The following CHD5 variants were observed in gnomAD, a reference collection of about 807,000 sequenced individuals.
CHD5 encodes the protein ATP-dependent chromatin remodeler CHD5.
In CHD5, 69 loss-of-function variants were observed where a neutral mutation model predicts 230.3. The ratio of observed to expected loss-of-function variants is 0.30; its 90% CI spans 0.25 to 0.37. The LOEUF is 0.37. Among genes scored for constraint, CHD5 ranks in the 10% least tolerant of loss-of-function variants. CHD5 has a pLI of 1.00. For missense variants in CHD5, 1,827 were observed against 2,622.8 expected, an observed-to-expected ratio of 0.70 and a Z score of 6.63; for synonymous variants, 1,064 against 1,065.9, an observed-to-expected ratio of 1.00 and a Z score of 0.03.
At chr1:6,168,397 G>T (rs995588191) in intron 1 of CHD5, 120 bp from the exon 2 acceptor site, 1 of 1,247,546 alleles carries the variant, frequency 8.0e-7, no homozygotes, top group Non-Finnish European at 1.1e-6. Flanking sequence ...CCAGGTCACA[G>T]CTGCCCTGCC....
At chr1:6,137,670 G>A (rs1397696588) in intron 15 of CHD5, among the ~76,000 whole-genome samples, 1 of 152,200 alleles carries the variant, frequency 6.6e-6, no homozygotes, top group Non-Finnish European at 1.5e-5. Context: ...CCTCAGGCTG[G>A]AGCACTCTCC....
Position 6,126,192 on chromosome 1 carries a change from C to G in CHD5, c.4079-334G>C, listed in dbSNP as rs1666554213. Among the ~76,000 whole-genome samples, 1 of 152,194 alleles carries G rather than the reference C, an allele frequency of 6.6e-6. No individual in the cohort carries two copies. Among genetic ancestry groups the G allele is most frequent in the Non-Finnish European group, 1.5e-5 (1 of 68,030 alleles). On this transcript the variant is annotated intron_variant, in intron 26 of 41. Coordinates refer to ENST00000262450, the MANE Select transcript of CHD5 (RefSeq NM_015557.3). The surrounding 1 kb of genome is among the most constrained non-coding windows in gnomAD (Gnocchi z 5.7). Reference sequence around the variant, plus strand: ...CTGCACCTGCCCCCAGTCCCCTTTCCTCCAAAAAGCTGCCTCCCAGCTCCA... The same window carrying G: ...CTGCACCTGCCCCCAGTCCCCTTTCGTCCAAAAAGCTGCCTCCCAGCTCCA...
At chr1:6,123,812 T>C in intron 31 of CHD5, 136 bp downstream of exon 31, 1 of 552,960 alleles carries the variant, frequency 1.8e-6, no homozygotes, top group Non-Finnish European at 3.0e-6. Context: ...CTCTGTAGAG[T>C]GACATTTCAG....
At position 6,105,319 on chromosome 1, in the gene CHD5, G is replaced by A. The variant is rs555429396; in HGVS notation, c.*155C>T. On this transcript the variant is annotated 3_prime_UTR_variant, in exon 42 of 42. Coordinates refer to ENST00000262450, the MANE Select transcript of CHD5 (RefSeq NM_015557.3). This position sits in a 1 kb window ranked among gnomAD's most constrained non-coding sequence, Gnocchi z 4.8. Reference sequence around the variant, plus strand: ...AGCTGAGCTGGGCCTCGTCCTCCATGTGATGGCATTACTAGGTTTCCCTTT... The same window carrying A: ...AGCTGAGCTGGGCCTCGTCCTCCATATGATGGCATTACTAGGTTTCCCTTT... 57 of 456,274 alleles carry A rather than the reference G, an allele frequency of 1.2e-4. No individual in the cohort carries two copies. Among genetic ancestry groups the A allele is most frequent in the African/African-American group, 1.1e-3 (54 of 49,254 alleles). 28.3% of individuals were successfully genotyped at this position (456,274 alleles called of 1,614,324 possible).
chr1:6,109,556 G>GAA (rs1317425749), intron 38 of CHD5, among the ~76,000 whole-genome samples: 1 of 152,234 alleles, frequency 6.6e-6, no homozygotes, highest in East Asian at 1.9e-4. Context: ...CCGGGCCGGG[G>GAA]CCCGCACAGA....
In CHD5 at chr1:6,157,527, C is replaced by T. The variant is rs1667097299; in HGVS notation, c.387+1809G>A. On this transcript the variant is annotated intron_variant, in intron 3 of 41. Coordinates refer to ENST00000262450, the MANE Select transcript of CHD5 (RefSeq NM_015557.3). ...CCCACACATCCCTCTACTGCCTAGG[C>T]CCCGGAGCTGGGCTTCTGCTCCTGC... is the stretch of plus-strand genomic sequence containing the variant. 2.0e-5 allele frequency among the ~76,000 whole-genome samples: 3 copies of T among 152,358 alleles called. 1 individual carries two copies. The highest frequency in any genetic ancestry group is 7.2e-5 in the African/African-American group (3 of 41,580).
chr1:6,146,657 GC>G lies in CHD5; in HGVS notation c.1590+7del. On this transcript the variant is annotated splice_region_variant and intron_variant, in intron 10 of 41. Coordinates refer to ENST00000262450, the MANE Select transcript of CHD5 (RefSeq NM_015557.3). This position sits in a 1 kb window ranked among gnomAD's most constrained non-coding sequence, Gnocchi z 5.1. ...GGCCTTAGCACAGCCACCCTCCCGG[GC>G]ACTCACCTGTAGCTCCTTCACCCAG... is the stretch of plus-strand genomic sequence containing the variant. 1 of 1,613,512 alleles carries G rather than the reference GC, an allele frequency of 6.2e-7. No homozygotes were observed. The highest frequency in any genetic ancestry group is 8.5e-7 in the Non-Finnish European group (1 of 1,179,712).
chr1:6,130,475 GT>G lies in CHD5; in HGVS notation c.3263-148del, dbSNP rs1434355598. 1.3e-6 allele frequency: 1 copy of G among 774,874 alleles called. No individual in the cohort carries two copies. The highest frequency in any genetic ancestry group is 2.0e-6 in the Non-Finnish European group (1 of 489,090). The allele number at this position is 774,874 out of a possible 1,614,324, so 48.0% of individuals were successfully genotyped here. On this transcript the variant is annotated intron_variant, in intron 21 of 41. Transcript: ENST00000262450. The surrounding 1 kb of genome is among the most constrained non-coding windows in gnomAD (Gnocchi z 4.9). ...AAGCCGGAGACCCCATCAGAGACGG[GT>G]GGCCACAGCTGCACTCAGGGGAGCC...
intron 20 of CHD5, among the ~76,000 whole-genome samples, chr1:6,133,568 C>T (rs889420614): frequency 6.6e-6 from 1 of 152,230 alleles, no homozygotes; most frequent in Non-Finnish European, 1.5e-5. Flanking sequence ...ACCACAGGGT[C>T]GGGTACCTGT....
In CHD5 at chr1:6,102,347, A is replaced by G. The variant is rs3827728; in HGVS notation, c.*3127T>C. ...CTGTAAACTTTCAGACACAGAAAAC[A>G]GGACAGGAACCAGCTGCCGAGGCCG... On this transcript the variant is annotated 3_prime_UTR_variant, in exon 42 of 42. Coordinates refer to ENST00000262450, the MANE Select transcript of CHD5 (RefSeq NM_015557.3). 0.3 allele frequency: 46,598 copies of G among 156,172 alleles called. 8,010 individuals are homozygous for G. Among genetic ancestry groups the G allele is most frequent in the East Asian group, 0.8 (4,122 of 5,176 alleles). 9.7% of individuals were successfully genotyped at this position (156,172 alleles called of 1,614,324 possible). A position where few individuals can be genotyped will look rare whatever the true frequency, so the allele number is the denominator to read the frequency against.
At chr1:6,174,056 G>T (rs901324455) in intron 1 of CHD5, among the ~76,000 whole-genome samples, 8 of 151,972 alleles carry the variant, frequency 5.3e-5, no homozygotes, top group Non-Finnish European at 7.4e-5. Flanking sequence ...CCCTGGGGGT[G>T]CAGGGAAAGC....
rs371954866 is a variant in CHD5 at position 6,148,893 on chromosome 1, G to C, written c.1344C>G (p.Pro448=). The C allele has an allele frequency of 1.8e-5, 28 of 1,585,004 alleles. No homozygotes were observed. Among genetic ancestry groups the C allele is most frequent in the Non-Finnish European group, 1.8e-5 (21 of 1,164,514 alleles). Reference sequence around the variant, plus strand: ...AGAGCCATTCACCGTTTGGGATCTCGGGCAGCGGCGGGTTGAGGCAATGCA... The same window carrying C: ...AGAGCCATTCACCGTTTGGGATCTCCGGCAGCGGCGGGTTGAGGCAATGCA... ...YHLHCLNPPL[P]EIPNGEWLCP... is the part of the protein sequence containing the mutation. The change falls in exon 9 of 42, where the codon CCC becomes CCG. Residue 448 remains proline, a synonymous_variant. Transcript: ENST00000262450.
At position 6,135,224 on chromosome 1, in the gene CHD5, A is replaced by G. The variant is rs778220908; in HGVS notation, c.2870+6T>C. 4.0e-5 allele frequency: 65 copies of G among 1,613,680 alleles called. No homozygotes were observed. In the Admixed American group the frequency reaches 4.5e-4, roughly 11 times the overall value. ...CAGGCTGCTCCGGGGTCAGCCCATCACTCACTTCTGCATCTGGCTCAGCTC... is the reference window on the plus strand; with the variant it reads ...CAGGCTGCTCCGGGGTCAGCCCATCGCTCACTTCTGCATCTGGCTCAGCTC... On this transcript the variant is annotated splice_donor_region_variant and intron_variant, in intron 18 of 41. Coordinates refer to ENST00000262450, the MANE Select transcript of CHD5 (RefSeq NM_015557.3).
Position 6,112,271 on chromosome 1 carries a change from G to C in CHD5, c.5009C>G (p.Thr1670Ser). The change falls in exon 35 of 42, where the codon ACC becomes AGC. Residue 1670 changes from threonine (T) to serine (S), a missense_variant. Transcript: ENST00000262450. ...GDSSELRPDD[T>S]KAEEKEPIET... is the part of the protein sequence containing the mutation. ...AATGGGCTCCTTCTCCTCAGCCTTG[G>C]TGTCATCTGCCGGGGACAGATCACA... The C allele has an allele frequency of 6.2e-7, 1 of 1,614,018 alleles. No individual in the cohort carries two copies.
intron 3 of CHD5, among the ~76,000 whole-genome samples, chr1:6,158,962 C>G (rs1667121760): frequency 7.3e-6 from 1 of 137,226 alleles, no homozygotes; most frequent in African/African-American, 2.9e-5. Context: ...AGCCGAGATC[C>G]CGCCACTGCA....
intron 15 of CHD5, among the ~76,000 whole-genome samples, chr1:6,137,610 G>C (rs1666765821): frequency 6.6e-6 from 1 of 152,210 alleles, no homozygotes; most frequent in African/African-American, 2.4e-5. Flanking sequence ...TGGGAATACA[G>C]GCGTGAGCTA....
intron 1 of CHD5, among the ~76,000 whole-genome samples, chr1:6,176,002 AG>A (rs980142987): frequency 6.6e-6 from 1 of 151,340 alleles, no homozygotes; most frequent in Non-Finnish European, 1.5e-5. Flanking sequence ...GTGGGTAGGT[AG>A]ATGGATGGAT....
intron 36 of CHD5, 37 bp downstream of exon 36, chr1:6,111,738 G>C (rs888873896): frequency 3.2e-6 from 5 of 1,563,630 alleles, no homozygotes; most frequent in Non-Finnish European, 4.4e-6. Context: ...CGGAGGAACG[G>C]GCAAGTCCCT....
chr1:6,144,579 G>C (rs1455811591), intron 11 of CHD5, among the ~76,000 whole-genome samples: 1 of 152,228 alleles, frequency 6.6e-6, no homozygotes, highest in East Asian at 1.9e-4. Flanking sequence ...TGCCCACGTA[G>C]GGTGAGGAGT....
Sources: gnomAD v4.1 joint callset for allele counts (sites outside exome capture counted in the v4.1 genomes callset) on GRCh38, gnomAD v4.1.1 for gene constraint, Gnocchi (gnomAD v3.1) non-coding constraint, MANE v1.5 for transcripts, NCBI Gene and HGNC (gene_info 2026-07-23, HGNC 2026-07-21) for gene names.